SLC39A11: variants seen among roughly 807,000 people sequenced by gnomAD.
SLC39A11 encodes solute carrier family 39 member 11.
Under a neutral mutation model 36.1 loss-of-function variants are expected in SLC39A11, and 33 were observed. The observed-to-expected ratio is 0.91, with a 90% confidence interval of 0.69 to 1.22. The LOEUF is 1.22. SLC39A11 is among the 50% of genes most tolerant of loss of function. The pLI, the probability that SLC39A11 is intolerant of heterozygous loss-of-function variation, is 0.00. For synonymous variants in SLC39A11, 166 were observed against 170.3 expected (o/e 0.97, Z 0.20); for missense variants, 432 against 430.3 (o/e 1.00, Z -0.03).
chr17:72,761,338 C>T (rs2075571492), intron 6 of SLC39A11, among the ~76,000 whole-genome samples: 1 of 152,132 alleles, frequency 6.6e-6, no homozygotes, highest in African/African-American at 2.4e-5. Context: ...TGGTCTCGAA[C>T]TCCTGACCTC....
chr17:72,855,124 G>A (rs750859300), intron 5 of SLC39A11, among the ~76,000 whole-genome samples: 6 of 152,246 alleles, frequency 3.9e-5, no homozygotes, highest in Non-Finnish European at 7.4e-5. Flanking sequence ...TTGAAAGTAC[G>A]GCGAAAGTTA....
intron 6 of SLC39A11, among the ~76,000 whole-genome samples, chr17:72,756,032 G>A (rs1386997518): frequency 6.6e-6 from 1 of 152,140 alleles, no homozygotes; most frequent in African/African-American, 2.4e-5. Context: ...GTCTACTCTC[G>A]AGAAAACAAA....
intron 4 of SLC39A11, among the ~76,000 whole-genome samples, chr17:73,004,552 CG>C (rs2090078693): frequency 6.6e-6 from 1 of 152,228 alleles, no homozygotes; most frequent in Non-Finnish European, 1.5e-5. Flanking sequence ...CTTCAACATA[CG>C]AATGTGGAAG....
intron 5 of SLC39A11, among the ~76,000 whole-genome samples, chr17:72,927,823 TACAC>T (rs1049083287): frequency 6.6e-6 from 1 of 150,588 alleles, no homozygotes; most frequent in African/African-American, 2.5e-5. Context: ...CACACACACA[TACAC>T]ACACACACTA....
At chr17:72,965,825 G>C (rs2086931337) in intron 4 of SLC39A11, among the ~76,000 whole-genome samples, 1 of 152,188 alleles carries the variant, frequency 6.6e-6, no homozygotes, top group Non-Finnish European at 1.5e-5. Context: ...GAACAGAGAG[G>C]AAGTTCTGCT....
intron 6 of SLC39A11, among the ~76,000 whole-genome samples, chr17:72,826,293 C>A (rs1035176829): frequency 6.6e-6 from 1 of 152,192 alleles, no homozygotes; most frequent in Non-Finnish European, 1.5e-5. Context: ...CCTTCCTCTT[C>A]ACCTTCCACC....
intron 4 of SLC39A11, among the ~76,000 whole-genome samples, chr17:72,968,916 C>G (rs1598644404): frequency 1.3e-5 from 2 of 152,224 alleles, no homozygotes; most frequent in East Asian, 3.9e-4. Flanking sequence ...TGCGCCTACA[C>G]CGTCCCCTGC....
intron 6 of SLC39A11, among the ~76,000 whole-genome samples, chr17:72,750,104 C>T (rs1372095477): frequency 6.6e-6 from 1 of 152,166 alleles, no homozygotes; most frequent in Non-Finnish European, 1.5e-5. Flanking sequence ...TGAACCTCTG[C>T]AGCAGGTGGG....
chr17:73,028,200 G>T (rs2058622758), intron 4 of SLC39A11, among the ~76,000 whole-genome samples: 1 of 152,158 alleles, frequency 6.6e-6, no homozygotes, highest in Non-Finnish European at 1.5e-5. Context: ...AAAAGCCACT[G>T]GTTCATAGAT....
chr17:72,711,335 C>T (rs1410627512), intron 7 of SLC39A11, among the ~76,000 whole-genome samples: 3 of 152,146 alleles, frequency 2.0e-5, no homozygotes, highest in Admixed American at 6.5e-5. Flanking sequence ...GTGCAACTTC[C>T]GGACAGGTCC....
chr17:73,023,646 C>G lies in SLC39A11; in HGVS notation c.306+7910G>C, dbSNP rs147594829. Among the ~76,000 whole-genome samples the G allele has an allele frequency of 9.9e-4, 149 of 150,060 alleles. 1 individual carries two copies. The highest frequency in any genetic ancestry group is 3.4e-3 in the African/African-American group (138 of 40,814). ...CTGGGACTACAGGTGTGTGCCACCA[C>G]GCCTGGCTAATTTTTTGTATTTTTA... On this transcript the variant is annotated intron_variant, in intron 4 of 9. Coordinates refer to ENST00000255559, the MANE Select transcript of SLC39A11 (RefSeq NM_139177.4).
At chr17:72,902,267 G>C (rs955636788) in intron 5 of SLC39A11, among the ~76,000 whole-genome samples, 3 of 150,550 alleles carry the variant, frequency 2.0e-5, no homozygotes, top group African/African-American at 7.4e-5. Context: ...GCGAAGCTCT[G>C]TCTCCAAAAA....
intron 7 of SLC39A11, among the ~76,000 whole-genome samples, chr17:72,691,045 AGGCTT>A: frequency 6.6e-6 from 1 of 152,214 alleles, no homozygotes; most frequent in East Asian, 1.9e-4. Flanking sequence ...GGACTCTCAA[AGGCTT>A]AGCTCAAAGG....
At chr17:72,991,882 T>C (rs1295027555) in intron 4 of SLC39A11, among the ~76,000 whole-genome samples, 1 of 152,244 alleles carries the variant, frequency 6.6e-6, no homozygotes, top group African/African-American at 2.4e-5. Flanking sequence ...TCATGGGATA[T>C]GTTATATCTT....
At chr17:72,916,375 G>A (rs764885138) in intron 5 of SLC39A11, among the ~76,000 whole-genome samples, 47 of 149,238 alleles carry the variant, frequency 3.1e-4, no homozygotes, top group Non-Finnish European at 5.7e-4. Context: ...GCTCTTACAC[G>A]GTTCCTCCAA....
chr17:72,926,035 G>T lies in SLC39A11; in HGVS notation c.430+21717C>A, dbSNP rs1258026575. 2.0e-5 allele frequency among the ~76,000 whole-genome samples: 3 copies of T among 152,162 alleles called. No individual in the cohort carries two copies. The East Asian group carries it at 5.8e-4, about 29-fold the overall frequency. ...AACTCTTAGCAATACACAATCTAAT[G>T]CAAGGAATATGCCTGGGGTCCCATG... On this transcript the variant is annotated intron_variant, in intron 5 of 9. Transcript: ENST00000255559.
Position 72,949,212 on chromosome 17 carries a change from T to C in SLC39A11, c.307-1337A>G, listed in dbSNP as rs1005674137. Reference sequence around the variant, plus strand: ...TTTCACTCTGTCACCTAGGCTGGAGTGCAGTGGTGCAATCTCAGCTCACAG... The same window carrying C: ...TTTCACTCTGTCACCTAGGCTGGAGCGCAGTGGTGCAATCTCAGCTCACAG... On this transcript the variant is annotated intron_variant, in intron 4 of 9. Transcript: ENST00000255559. Among the ~76,000 whole-genome samples, 44 of 125,866 alleles carry C rather than the reference T, an allele frequency of 3.5e-4. 1 individual carries two copies. The highest frequency in any genetic ancestry group is 6.3e-5 in the Non-Finnish European group (4 of 63,170). 82.6% of individuals were successfully genotyped at this position (125,866 alleles called of 152,430 possible).
chr17:72,886,181 T>C (rs1258437741), intron 5 of SLC39A11, among the ~76,000 whole-genome samples: 1 of 152,210 alleles, frequency 6.6e-6, no homozygotes, highest in Non-Finnish European at 1.5e-5. Context: ...CGGTCCTCAG[T>C]GCTCTTCGCT....
intron 6 of SLC39A11, among the ~76,000 whole-genome samples, chr17:72,778,271 G>A (rs747783071): frequency 3.9e-5 from 6 of 152,150 alleles, no homozygotes; most frequent in Non-Finnish European, 5.9e-5. Flanking sequence ...AGACCACAGA[G>A]GCTCAGCTCC....
Sources: gnomAD v4.1 joint callset for allele counts (sites outside exome capture counted in the v4.1 genomes callset) on GRCh38, gnomAD v4.1.1 for gene constraint, MANE v1.5 for transcripts, NCBI Gene and HGNC (gene_info 2026-07-23, HGNC 2026-07-21) for gene names.